Variants in TP63 observed in about 807,000 individuals in gnomAD.
The protein encoded by TP63 is tumor protein p63, also known as tumor protein 63.
In TP63, 17 loss-of-function variants were observed where a neutral mutation model predicts 82.8. The ratio of observed to expected loss-of-function variants is 0.21; its 90% CI spans 0.14 to 0.31. The LOEUF is 0.31. TP63 is among the 10% of genes least tolerant of loss of function. The pLI is 1.00. For synonymous variants in TP63, 330 were observed against 321.7 expected, an observed-to-expected ratio of 1.03 and a Z score of -0.28; for missense variants, 648 against 895.3, an observed-to-expected ratio of 0.72 and a Z score of 3.52.
intron 1 of TP63, among the ~76,000 whole-genome samples, chr3:189,681,578 C>T (rs1235668892): frequency 1.3e-5 from 2 of 152,250 alleles, no homozygotes; most frequent in East Asian, 3.9e-4. Flanking sequence ...TATTTCAGCT[C>T]ACGTGCTCCA....
At chr3:189,725,319 G>A (rs1200821367) in intron 1 of TP63, among the ~76,000 whole-genome samples, 1 of 152,034 alleles carries the variant, frequency 6.6e-6, no homozygotes, top group African/African-American at 2.4e-5. Context: ...CTTTCAAATA[G>A]GGTTAAAGCA....
intron 1 of TP63, among the ~76,000 whole-genome samples, chr3:189,699,829 A>G (rs1002283587): frequency 6.6e-6 from 1 of 152,244 alleles, no homozygotes; most frequent in Non-Finnish European, 1.5e-5. Flanking sequence ...ACTATTCTTC[A>G]TATTTTAAAT....
chr3:189,658,723 C>T (rs1477173378), intron 1 of TP63, among the ~76,000 whole-genome samples: 1 of 151,978 alleles, frequency 6.6e-6, no homozygotes, highest in Admixed American at 6.6e-5. Context: ...ACTGTTGTAA[C>T]TAAGAGCCAA....
chr3:189,631,614 A>C (rs757589380), intron 1 of TP63, 37 bp downstream of exon 1: 16 of 1,612,184 alleles, frequency 9.9e-6, no homozygotes, highest in Non-Finnish European at 1.4e-5. Context: ...CTCAAAACTT[A>C]ATTGAAGTGC....
chr3:189,735,636 C>A (rs189151742), intron 1 of TP63, among the ~76,000 whole-genome samples: 5 of 152,184 alleles, frequency 3.3e-5, no homozygotes, highest in Admixed American at 1.3e-4. Flanking sequence ...TGATTTTGCC[C>A]TTTTGTTGTC....
chr3:189,694,959 C>G (rs542742556), intron 1 of TP63, among the ~76,000 whole-genome samples: 1 of 151,696 alleles, frequency 6.6e-6, no homozygotes, highest in African/African-American at 2.4e-5. Flanking sequence ...ACGCCCGCCA[C>G]CACACCTGGC....
chr3:189,820,099 C>T (rs56104635), intron 4 of TP63, among the ~76,000 whole-genome samples: 30,176 of 152,016 alleles, frequency 0.2, 3,315 homozygotes, highest in African/African-American at 0.29. Flanking sequence ...CTTTTGTATG[C>T]AAATGTAACA....
intron 1 of TP63, among the ~76,000 whole-genome samples, chr3:189,637,750 C>A (rs988073108): frequency 3.3e-5 from 5 of 152,080 alleles, no homozygotes; most frequent in African/African-American, 1.2e-4. Context: ...CGAAAGATAG[C>A]CACATCCTAA....
chr3:189,782,996 A>C (rs1222519636), intron 3 of TP63, among the ~76,000 whole-genome samples: 2 of 152,058 alleles, frequency 1.3e-5, no homozygotes, highest in Non-Finnish European at 2.9e-5. Flanking sequence ...AGGCTTTAAA[A>C]TATTTTTGTC....
intron 2 of TP63, 121 bp downstream of exon 2, chr3:189,737,989 TAATGACTCC>T: frequency 8.3e-7 from 1 of 1,211,022 alleles, no homozygotes; most frequent in African/African-American, 1.5e-5. Flanking sequence ...TAGGAAAAGT[TAATGACTCC>T]AATGCCATCT....
chr3:189,835,663 C>A (rs141121312), intron 4 of TP63, among the ~76,000 whole-genome samples: 1 of 151,742 alleles, frequency 6.6e-6, no homozygotes, highest in Admixed American at 6.6e-5. Context: ...GTGGCTCACA[C>A]CTGTAATCCC....
In TP63 at chr3:189,693,030, C is replaced by A. The variant is rs575430538; in HGVS notation, c.63-44710C>A. On this transcript the variant is annotated intron_variant, in intron 1 of 13. Transcript: ENST00000264731. The stretch of plus-strand genomic sequence containing the variant: ...CCTTTCCTGCCAGCACCCCCTCAAA[C>A]AAAAATCAGTGTTTTCAGGAGAATA... Among the ~76,000 whole-genome samples, 239 of 152,228 alleles carry A rather than the reference C, an allele frequency of 1.6e-3. 1 individual carries two copies. Among genetic ancestry groups the A allele is most frequent in the Non-Finnish European group, 2.3e-3 (155 of 68,010 alleles).
intron 4 of TP63, among the ~76,000 whole-genome samples, chr3:189,809,060 T>C (rs553171034): frequency 2.9e-4 from 44 of 152,202 alleles, no homozygotes; most frequent in African/African-American, 1.0e-3. Context: ...CAGTAAATTG[T>C]ATAATGTCTT....
Position 189,855,242 on chromosome 3 carries a change from C to T in TP63, c.580-8990C>T, listed in dbSNP as rs149892165. Reference sequence around the variant, plus strand: ...GTCAAGCATGAAAGTTAAAAGGACCCACCAATTTCCAAGTAACTTCCATTT... The same window carrying T: ...GTCAAGCATGAAAGTTAAAAGGACCTACCAATTTCCAAGTAACTTCCATTT... On this transcript the variant is annotated intron_variant, in intron 4 of 13. Coordinates refer to ENST00000264731, the MANE Select transcript of TP63 (RefSeq NM_003722.5). Among the ~76,000 whole-genome samples the T allele has an allele frequency of 7.8e-3, 1,180 of 152,206 alleles. 14 individuals are homozygous for T. The highest frequency in any genetic ancestry group is 0.027 in the African/African-American group (1,105 of 41,534).
At chr3:189,708,524 G>A (rs1046273567) in intron 1 of TP63, among the ~76,000 whole-genome samples, 5 of 152,162 alleles carry the variant, frequency 3.3e-5, no homozygotes, top group Non-Finnish European at 7.4e-5. Context: ...CAAATGACAT[G>A]TCCTTACTGA....
chr3:189,689,704 A>G (rs545431467), intron 1 of TP63, among the ~76,000 whole-genome samples: 24 of 152,300 alleles, frequency 1.6e-4, no homozygotes, highest in Middle Eastern at 3.4e-3. Flanking sequence ...GTCCTAGATT[A>G]CTGCTCATTG....
chr3:189,862,857 CT>C (rs1482147118), intron 4 of TP63, among the ~76,000 whole-genome samples: 2 of 152,166 alleles, frequency 1.3e-5, no homozygotes, highest in African/African-American at 4.8e-5. Flanking sequence ...ATATAAAACC[CT>C]TTTGCTGCGT....
chr3:189,867,060 G>A (rs1717814819), intron 6 of TP63, among the ~76,000 whole-genome samples: 1 of 152,164 alleles, frequency 6.6e-6, no homozygotes, highest in Admixed American at 6.5e-5. Context: ...AATTGAACTG[G>A]CAATTGGGTG....
At chr3:189,789,586 G>A (rs1392983795) in intron 3 of TP63, 26 of 1,157,324 alleles carry the variant, frequency 2.2e-5, no homozygotes. Flanking sequence ...TGATGGATTG[G>A]ACAGGTAAAG....
Sources: gnomAD v4.1 joint callset for allele counts (sites outside exome capture counted in the v4.1 genomes callset) on GRCh38, gnomAD v4.1.1 for gene constraint, MANE v1.5 for transcripts, NCBI Gene and HGNC (gene_info 2026-07-23, HGNC 2026-07-21) for gene names.